TTC28: variants seen among roughly 807,000 people sequenced by gnomAD.
The protein encoded by TTC28 is tetratricopeptide repeat domain 28, also known as tetratricopeptide repeat protein 28.
Under a neutral mutation model 198.0 loss-of-function variants are expected in TTC28, and 61 were observed. The observed-to-expected ratio is 0.31, with a 90% CI of 0.25 to 0.38. TTC28 has a LOEUF of 0.38. TTC28 is among the 10% of genes least tolerant of loss of function. The pLI, the probability that TTC28 is intolerant of heterozygous loss-of-function variation, is 1.00. For missense variants in TTC28, 2,678 were observed against 3,164.0 expected (o/e 0.85, Z 3.69); for synonymous variants, 1,171 against 1,297.8 (o/e 0.90, Z 2.10).
At chr22:28,032,188 A>AT (rs1939126783) in intron 12 of TTC28, among the ~76,000 whole-genome samples, 1 of 71,054 alleles carries the variant, frequency 1.4e-5, no homozygotes, top group Admixed American at 1.9e-4. Flanking sequence ...ATATATATAT[A>AT]AAATATATAT....
chr22:28,573,346 G>A (rs1055765661), intron 2 of TTC28, among the ~76,000 whole-genome samples: 4 of 150,554 alleles, frequency 2.7e-5, no homozygotes, highest in South Asian at 2.1e-4. Flanking sequence ...CCAGCTACTC[G>A]GGGAGGCTGA....
At chr22:28,226,060 G>A (rs1928319544) in intron 5 of TTC28, among the ~76,000 whole-genome samples, 1 of 152,206 alleles carries the variant, frequency 6.6e-6, no homozygotes, top group Non-Finnish European at 1.5e-5. Context: ...TATTTGGATT[G>A]TTTCCAGTTT....
intron 2 of TTC28, among the ~76,000 whole-genome samples, chr22:28,431,582 T>C (rs1040223737): frequency 1.3e-5 from 2 of 152,226 alleles, no homozygotes; most frequent in South Asian, 2.1e-4. Context: ...TTAACTGATA[T>C]CTCTTACAGT....
At chr22:28,458,706 C>A (rs993748111) in intron 2 of TTC28, among the ~76,000 whole-genome samples, 1 of 151,592 alleles carries the variant, frequency 6.6e-6, no homozygotes, top group Non-Finnish European at 1.5e-5. Context: ...ACGGTGAAAC[C>A]CCATCTCTAC....
chr22:28,579,065 C>T (rs112895858), intron 2 of TTC28, among the ~76,000 whole-genome samples: 15 of 149,886 alleles, frequency 1.0e-4, no homozygotes, highest in African/African-American at 2.7e-4. Flanking sequence ...TGTTTAGTTA[C>T]GTGTATATAG....
intron 2 of TTC28, among the ~76,000 whole-genome samples, chr22:28,433,936 G>A (rs1299652698): frequency 1.3e-5 from 2 of 152,224 alleles, no homozygotes; most frequent in South Asian, 2.1e-4. Context: ...CTAATTCTTG[G>A]TCATCAATAC....
chr22:28,179,235 C>T (rs1456451815), intron 5 of TTC28, among the ~76,000 whole-genome samples: 1 of 151,402 alleles, frequency 6.6e-6, no homozygotes, highest in Non-Finnish European at 1.5e-5. Context: ...TCTCAGCTCA[C>T]TACAACCTCC....
chr22:28,208,225 T>C (rs1926599060), intron 5 of TTC28, among the ~76,000 whole-genome samples: 1 of 152,168 alleles, frequency 6.6e-6, no homozygotes, highest in Non-Finnish European at 1.5e-5. Context: ...TCGTAATGAC[T>C]AAAGGCAAAG....
chr22:27,990,723 G>A (rs915992366), intron 20 of TTC28, 66 bp downstream of exon 20: 2 of 1,492,546 alleles, frequency 1.3e-6, no homozygotes, highest in African/African-American at 1.4e-5. Context: ...CCTGCCCAGG[G>A]GAACTCGGGG....
At position 27,982,942 on chromosome 22, in the gene TTC28, A is replaced by T; in HGVS notation, c.6725T>A (p.Leu2242Gln). 6.4e-7 allele frequency: 1 copy of T among 1,551,650 alleles called. No homozygotes were observed. Among genetic ancestry groups the T allele is most frequent in the Non-Finnish European group, 8.7e-7 (1 of 1,146,978 alleles). Residue 2242 changes from leucine to glutamine, a missense_variant, in exon 23 of 23, where the codon CTG becomes CAG. Coordinates refer to ENST00000397906, the MANE Select transcript of TTC28 (RefSeq NM_001145418.2). This position sits in a 1 kb window ranked among gnomAD's most constrained non-coding sequence, Gnocchi z 5.2. The part of the protein sequence containing the change: ...KPKPPARSSS[L>Q]PKVSSGYSSP... ...GCTATATCCGGAACTCACCTTGGGCAGGGAGGAGCTCCTGGCTGGGGGCTT... is the reference window on the plus strand; with the variant it reads ...GCTATATCCGGAACTCACCTTGGGCTGGGAGGAGCTCCTGGCTGGGGGCTT...
intron 21 of TTC28, chr22:27,985,706 T>G (rs1937186787): frequency 5.2e-6 from 1 of 193,826 alleles, no homozygotes; most frequent in Non-Finnish European, 1.1e-5. Context: ...ACAGTCTATA[T>G]AAAGACTGTC....
intron 2 of TTC28, among the ~76,000 whole-genome samples, chr22:28,333,503 T>C (rs770806986): frequency 2.0e-5 from 3 of 152,086 alleles, no homozygotes; most frequent in Admixed American, 1.3e-4. Context: ...GGTAAGAACG[T>C]CCCTTTGCTC....
intron 21 of TTC28, among the ~76,000 whole-genome samples, chr22:27,987,232 C>G (rs1937243320): frequency 2.0e-5 from 3 of 152,234 alleles, no homozygotes; most frequent in Non-Finnish European, 4.4e-5. Context: ...CAGAGAATAA[C>G]TGGAACATCA....
chr22:28,534,052 T>C (rs2049206675), intron 2 of TTC28, among the ~76,000 whole-genome samples: 1 of 152,044 alleles, frequency 6.6e-6, no homozygotes, highest in Non-Finnish European at 1.5e-5. Context: ...AAGCCAAAAT[T>C]GACAAATGGG....
chr22:28,297,441 G>A (rs995724675), intron 4 of TTC28, 139 bp downstream of exon 4: 5 of 1,049,616 alleles, frequency 4.8e-6, no homozygotes, highest in Non-Finnish European at 6.6e-6. Flanking sequence ...CTGGCCTTAA[G>A]CAATCCTCCC....
At chr22:28,036,420 T>G (rs901312818) in intron 12 of TTC28, among the ~76,000 whole-genome samples, 1 of 152,172 alleles carries the variant, frequency 6.6e-6, no homozygotes, top group African/African-American at 2.4e-5. Flanking sequence ...GAATGATTAC[T>G]GGGTACGTAA....
intron 2 of TTC28, among the ~76,000 whole-genome samples, chr22:28,552,937 C>T (rs1038591788): frequency 3.3e-5 from 5 of 152,184 alleles, no homozygotes; most frequent in Non-Finnish European, 7.3e-5. Context: ...CAGGCGCGCG[C>T]CACCATGCCT....
chr22:28,607,986 G>GTAAA (rs2050761009), intron 2 of TTC28, among the ~76,000 whole-genome samples: 1 of 152,160 alleles, frequency 6.6e-6, no homozygotes, highest in Non-Finnish European at 1.5e-5. Flanking sequence ...AAATGGCAGA[G>GTAAA]TAAAGCCTTC....
intron 2 of TTC28, among the ~76,000 whole-genome samples, chr22:28,461,573 A>G (rs2146279235): frequency 6.6e-6 from 1 of 152,188 alleles, no homozygotes; most frequent in South Asian, 2.1e-4. Flanking sequence ...AGTAGCTGGG[A>G]TTACGGACAC....
Sources: gnomAD v4.1 joint callset for allele counts (sites outside exome capture counted in the v4.1 genomes callset) on GRCh38, gnomAD v4.1.1 for gene constraint, Gnocchi (gnomAD v3.1) non-coding constraint, MANE v1.5 for transcripts, NCBI Gene and HGNC (gene_info 2026-07-23, HGNC 2026-07-21) for gene names.